The following RNF212 variants were observed in gnomAD, a reference collection of about 807,000 sequenced individuals.
The protein encoded by RNF212 is ring finger protein 212.
Under a neutral mutation model 34.7 loss-of-function variants are expected in RNF212, and 33 were observed. The observed-to-expected ratio is 0.95, with a 90% CI of 0.72 to 1.27. RNF212 has a LOEUF of 1.27. Ranked by LOEUF, RNF212 falls within the 50% of genes most tolerant of loss-of-function variation. RNF212 has a pLI of 0.00. For missense variants in RNF212, 377 were observed against 362.2 expected, an observed-to-expected ratio of 1.04 and a Z score of -0.33; for synonymous variants, 140 against 136.1, an observed-to-expected ratio of 1.03 and a Z score of -0.20.
intron 7 of RNF212, 134 bp downstream of exon 7, chr4:1,081,285 G>T: frequency 1.3e-6 from 1 of 750,212 alleles, no homozygotes; most frequent in South Asian, 1.5e-5. Context: ...GTACCAAAAT[G>T]AGTTCATGTC....
intron 1 of RNF212, among the ~76,000 whole-genome samples, chr4:1,109,170 G>T (rs1725280863): frequency 6.6e-6 from 1 of 151,970 alleles, no homozygotes; most frequent in African/African-American, 2.4e-5. Context: ...ACCACACCAG[G>T]CTAATTTTTG....
rs779593768 is a variant in RNF212, at chr4:1,073,129, G to A, written c.639C>T (p.Pro213=). The A allele has an allele frequency of 5.6e-5, 91 of 1,614,042 alleles. No homozygotes were observed. Among genetic ancestry groups the A allele is most frequent in the South Asian group, 5.1e-4 (46 of 91,088 alleles). The change falls in exon 10 of 10, where the codon CCC becomes CCT. Residue 213 remains proline (P), a synonymous_variant. Coordinates refer to ENST00000433731, the MANE Select transcript of RNF212 (RefSeq NM_001131034.4). The part of the protein sequence containing the change: ...PWLTLSKPPV[P]GECVISRGSP... ...AACCTCTGGAAATGACACACTCTCC[G>A]GGCACAGGGGGCTTAGACAAGGTCA...
intron 3 of RNF212, among the ~76,000 whole-genome samples, chr4:1,060,199 G>C (rs1445203723): frequency 2.0e-5 from 3 of 151,834 alleles, no homozygotes. Context: ...GAGGACCCAA[G>C]AGGCCAACAA....
intron 4 of RNF212, chr4:1,058,277 GGGGTTAGAA>G: frequency 1.5e-6 from 1 of 682,180 alleles, no homozygotes; most frequent in Non-Finnish European, 1.8e-6. Flanking sequence ...GGTGCTTGCG[GGGGTTAGAA>G]CGCAGTGAAG....
chr4:1,065,601 G>A (rs991689145), intron 3 of RNF212, among the ~76,000 whole-genome samples: 2 of 151,890 alleles, frequency 1.3e-5, no homozygotes, highest in African/African-American at 4.8e-5. Flanking sequence ...CTGAGAAGCT[G>A]GGACCACAGG....
At chr4:1,073,980 G>C (rs146818304) in intron 8 of RNF212, among the ~76,000 whole-genome samples, 4 of 152,152 alleles carry the variant, frequency 2.6e-5, no homozygotes, top group Admixed American at 6.5e-5. Flanking sequence ...GCTGATGTTA[G>C]AGAATGTGAA....
chr4:1,100,214 G>C (rs1238586821), intron 2 of RNF212: 8 of 298,002 alleles, frequency 2.7e-5, no homozygotes, highest in Non-Finnish European at 4.6e-5. Context: ...GATACTTCTA[G>C]CGTTAGGTCT....
At chr4:1,098,840 G>A (rs569858704) in intron 2 of RNF212, among the ~76,000 whole-genome samples, 36 of 152,296 alleles carry the variant, frequency 2.4e-4, no homozygotes, top group Middle Eastern at 3.4e-3. Context: ...CGCAGGGAGC[G>A]GGAACTGTCA....
upstream of RNF212, chr4:1,113,661 G>C (rs1726192960): frequency 4.2e-6 from 2 of 478,874 alleles, no homozygotes; most frequent in South Asian, 5.9e-5. Context: ...GGGAGGGCGC[G>C]TGTGACTCGT....
intron 3 of RNF212, among the ~76,000 whole-genome samples, chr4:1,062,615 C>T (rs1021172442): frequency 2.0e-5 from 3 of 152,078 alleles, no homozygotes; most frequent in South Asian, 2.1e-4. Flanking sequence ...CTGTTCTTGC[C>T]GCTTGTATTC....
chr4:1,110,064 T>C (rs1386647025), intron 1 of RNF212, among the ~76,000 whole-genome samples: 1 of 152,166 alleles, frequency 6.6e-6, no homozygotes, highest in Non-Finnish European at 1.5e-5. Flanking sequence ...CTAGGAGTCA[T>C]GCAGTAAAAG....
rs778240434 is a variant in RNF212, at chr4:1,113,422, G to A, written c.43C>T (p.His15Tyr). 7 of 1,607,678 alleles carry A rather than the reference G, an allele frequency of 4.4e-6. No individual in the cohort carries two copies. In the African/African-American group the frequency reaches 9.4e-5, roughly 22 times the overall value. Residue 15 changes from histidine to tyrosine, a missense_variant, in exon 1 of 10, where the codon CAC becomes TAC. Coordinates refer to ENST00000433731, the MANE Select transcript of RNF212 (RefSeq NM_001131034.4). ...VFCNRCFQPP[H>Y]RTSCFSLTNC... ...GTGAGGCTGAAGCACGACGTCCTGTGGGGCGGCTGGAAGCAGCGATTACAG... is the reference window on the plus strand; with the variant it reads ...GTGAGGCTGAAGCACGACGTCCTGTAGGGCGGCTGGAAGCAGCGATTACAG...
At position 1,071,812 on chromosome 4, in the gene RNF212, G is replaced by C. The variant is rs1433874244; in HGVS notation, c.*1062C>G. 1.3e-5 allele frequency: 2 copies of C among 152,244 alleles called. No individual in the cohort carries two copies. Among genetic ancestry groups the C allele is most frequent in the Non-Finnish European group, 2.9e-5 (2 of 68,052 alleles). 9.4% of individuals were successfully genotyped at this position (152,244 alleles called of 1,614,324 possible). A position where few individuals can be genotyped will look rare whatever the true frequency, so the allele number is the denominator to read the frequency against. ...GGAGCAACAGGAACTCTCATTCGTT[G>C]CTAGTGGGAATGCGAAAAGCTGCTG... On this transcript the variant is annotated 3_prime_UTR_variant, in exon 10 of 10. Coordinates refer to ENST00000433731, the MANE Select transcript of RNF212 (RefSeq NM_001131034.4).
chr4:1,075,497 G>C lies in RNF212; in HGVS notation c.511-1835C>G, dbSNP rs12642550. Among the ~76,000 whole-genome samples the C allele has an allele frequency of 6.7e-4, 102 of 152,278 alleles. No homozygotes were observed. In the East Asian group the frequency reaches 0.018, roughly 27 times the overall value. On this transcript the variant is annotated intron_variant, in intron 8 of 9. Coordinates refer to ENST00000433731, the MANE Select transcript of RNF212 (RefSeq NM_001131034.4). The stretch of plus-strand genomic sequence containing the variant: ...GGGTGGTGCCATGTACTTTTAACCA[G>C]CCAGATCTCGTGAGAACTCACCCAC...
chr4:1,072,672 A>C lies in RNF212; in HGVS notation c.*202T>G. On this transcript the variant is annotated 3_prime_UTR_variant, in exon 10 of 10. Coordinates refer to ENST00000433731, the MANE Select transcript of RNF212 (RefSeq NM_001131034.4). The stretch of plus-strand genomic sequence containing the variant: ...ATAAAATAAAAGGGATAATAACAAT[A>C]TATATGAGTACATAAAAATATTGTC... 8.0e-7 allele frequency: 1 copy of C among 1,255,476 alleles called. No individual in the cohort carries two copies. Among genetic ancestry groups the C allele is most frequent in the Non-Finnish European group, 1.0e-6 (1 of 958,566 alleles). 77.8% of individuals were successfully genotyped at this position (1,255,476 alleles called of 1,614,324 possible).
intron 8 of RNF212, 44 bp downstream of exon 8, chr4:1,079,599 C>A: frequency 7.4e-7 from 1 of 1,345,264 alleles, no homozygotes; most frequent in Non-Finnish European, 1.1e-6. Flanking sequence ...GGAAATGCCA[C>A]ACGTCTGGTA....
chr4:1,101,341 C>A, intron 2 of RNF212: 1 of 245,096 alleles, frequency 4.1e-6, no homozygotes. Context: ...GAATTTTTCT[C>A]AGGGAAACCA....
intron 3 of RNF212, chr4:1,094,017 G>A (rs573353761): frequency 2.6e-6 from 4 of 1,524,140 alleles, no homozygotes; most frequent in African/African-American, 2.9e-5. Flanking sequence ...CTGAGATACT[G>A]TGGGTGATTC....
chr4:1,101,575 A>G (rs1939110971), intron 2 of RNF212: 2 of 156,874 alleles, frequency 1.3e-5, no homozygotes, highest in South Asian at 1.9e-4. Flanking sequence ...AGCTAATGAA[A>G]TAGTTATGGT....
Sources: allele counts gnomAD v4.1 joint callset (sites outside exome capture counted in the v4.1 genomes callset), GRCh38; gene constraint gnomAD v4.1.1; transcripts MANE v1.5; gene names NCBI Gene and HGNC (gene_info 2026-07-23, HGNC 2026-07-21).